GABBR2: variants seen among roughly 807,000 people sequenced by gnomAD.
The protein encoded by GABBR2 is gamma-aminobutyric acid type B receptor subunit 2.
A neutral mutation model predicts 105.6 loss-of-function variants in GABBR2; 23 were observed. The observed-to-expected ratio is 0.22, with a 90% confidence interval of 0.16 to 0.31. The LOEUF (loss-of-function observed/expected upper bound fraction) is 0.31, where lower values mean the gene tolerates loss of function less well. GABBR2 is among the 10% of genes least tolerant of loss of function. GABBR2 has a pLI of 1.00. For synonymous variants in GABBR2, 478 were observed against 499.7 expected (o/e 0.96, Z 0.58); for missense variants, 734 against 1,245.5 (o/e 0.59, Z 6.18).
At chr9:98,394,079 G>C (rs1481234883) in intron 9 of GABBR2, 96 bp downstream of exon 9, 2 of 851,388 alleles carry the variant, frequency 2.3e-6, no homozygotes, top group Non-Finnish European at 2.0e-6. Flanking sequence ...ACCCCCTGAA[G>C]CCAAGGATGC....
chr9:98,620,247 TTCTCTC>T (rs112127893), intron 1 of GABBR2, among the ~76,000 whole-genome samples: 3 of 146,618 alleles, frequency 2.0e-5, no homozygotes, highest in Non-Finnish European at 4.5e-5. Flanking sequence ...TTTTCTCTCT[TTCTCTC>T]TCTCTCTCTC....
At chr9:98,301,625 A>C (rs543952433) in intron 16 of GABBR2, among the ~76,000 whole-genome samples, 32 of 152,376 alleles carry the variant, frequency 2.1e-4, no homozygotes, top group Non-Finnish European at 3.7e-4. Flanking sequence ...GGTGGGGACA[A>C]CAGGAGGCCA....
intron 1 of GABBR2, among the ~76,000 whole-genome samples, chr9:98,657,436 C>T (rs1038438404): frequency 2.6e-5 from 4 of 152,210 alleles, no homozygotes; most frequent in Non-Finnish European, 4.4e-5. Flanking sequence ...ATTTCCCTTA[C>T]GCCTGTTCTC....
intron 13 of GABBR2, among the ~76,000 whole-genome samples, chr9:98,336,621 C>T (rs1480886842): frequency 2.6e-5 from 4 of 152,026 alleles, no homozygotes; most frequent in Non-Finnish European, 5.9e-5. Context: ...AGGAGAATCG[C>T]TTGAACCCAG....
intron 13 of GABBR2, among the ~76,000 whole-genome samples, chr9:98,324,525 C>T (rs1830885420): frequency 9.3e-6 from 1 of 107,954 alleles, no homozygotes. Context: ...CACACACACA[C>T]ACACACACAC....
At chr9:98,590,335 A>T (rs938868090) in intron 1 of GABBR2, among the ~76,000 whole-genome samples, 1 of 152,146 alleles carries the variant, frequency 6.6e-6, no homozygotes, top group Non-Finnish European at 1.5e-5. Flanking sequence ...GCATTTCTGT[A>T]TTCTCCCTGA....
intron 1 of GABBR2, among the ~76,000 whole-genome samples, chr9:98,692,534 C>T (rs1353880532): frequency 6.6e-6 from 1 of 152,246 alleles, no homozygotes; most frequent in Non-Finnish European, 1.5e-5. Context: ...TCGGGAACAG[C>T]CATGATAGGT....
At chr9:98,445,232 G>C (rs1008658396) in intron 7 of GABBR2, among the ~76,000 whole-genome samples, 5 of 152,216 alleles carry the variant, frequency 3.3e-5, no homozygotes, top group Non-Finnish European at 7.3e-5. Context: ...AAATCTGGGA[G>C]ATAGTAATTC....
chr9:98,530,453 C>T (rs1828044072), intron 3 of GABBR2, among the ~76,000 whole-genome samples: 1 of 152,266 alleles, frequency 6.6e-6, no homozygotes, highest in Non-Finnish European at 1.5e-5. Flanking sequence ...CCTGGCATTA[C>T]TTAATTCTCC....
chr9:98,415,375 T>A (rs1231854518), intron 7 of GABBR2, among the ~76,000 whole-genome samples: 1 of 152,204 alleles, frequency 6.6e-6, no homozygotes. Flanking sequence ...TAGATTAATT[T>A]TTTTACTATT....
intron 13 of GABBR2, among the ~76,000 whole-genome samples, chr9:98,346,474 G>T (rs1831305621): frequency 6.6e-6 from 1 of 152,026 alleles, no homozygotes; most frequent in South Asian, 2.1e-4. Flanking sequence ...ACATATTTAT[G>T]GGATACAGAC....
At chr9:98,488,755 C>G (rs931139713) in intron 4 of GABBR2, among the ~76,000 whole-genome samples, 11 of 139,772 alleles carry the variant, frequency 7.9e-5, no homozygotes, top group African/African-American at 3.0e-4. Flanking sequence ...TATGAGTAAC[C>G]TTGGAATGTT....
chr9:98,494,212 G>A (rs1236281121), intron 4 of GABBR2, among the ~76,000 whole-genome samples: 1 of 152,192 alleles, frequency 6.6e-6, no homozygotes, highest in Non-Finnish European at 1.5e-5. Flanking sequence ...CACCTAGTTT[G>A]TGATACTTTG....
intron 1 of GABBR2, among the ~76,000 whole-genome samples, chr9:98,649,939 A>G (rs1830082465): frequency 6.6e-6 from 1 of 152,210 alleles, no homozygotes; most frequent in Admixed American, 6.5e-5. Context: ...AAGCATGTAC[A>G]GCTATGTTAA....
intron 9 of GABBR2, among the ~76,000 whole-genome samples, chr9:98,393,665 C>A (rs1398684923): frequency 6.6e-6 from 1 of 152,172 alleles, no homozygotes. Context: ...GTGACAGTGG[C>A]CATAAGAGAG....
intron 1 of GABBR2, among the ~76,000 whole-genome samples, chr9:98,587,051 T>C (rs1829088115): frequency 6.6e-6 from 1 of 152,250 alleles, no homozygotes; most frequent in African/African-American, 2.4e-5. Flanking sequence ...AGCAGTGTTT[T>C]AGAGATCTCA....
chr9:98,590,185 C>T (rs1829127700), intron 1 of GABBR2, among the ~76,000 whole-genome samples: 1 of 152,222 alleles, frequency 6.6e-6, no homozygotes, highest in African/African-American at 2.4e-5. Flanking sequence ...TAGTCATATC[C>T]ATAGCTCTGT....
Position 98,460,377 on chromosome 9 carries a change from A to T in GABBR2, c.1000-6160T>A, listed in dbSNP as rs142886675. 8.5e-5 allele frequency among the ~76,000 whole-genome samples: 13 copies of T among 152,332 alleles called. No individual in the cohort carries two copies. The East Asian group carries it at 2.5e-3, about 29-fold the overall frequency. On this transcript the variant is annotated intron_variant, in intron 6 of 18. Transcript: ENST00000259455. ...GGTGACAGAGCAAGACTCTATCTCT[A>T]AAATAAAATAAAATAAAATAGCAAG... is the stretch of plus-strand genomic sequence containing the variant.
chr9:98,669,942 C>T (rs1212919193), intron 1 of GABBR2, among the ~76,000 whole-genome samples: 4 of 150,738 alleles, frequency 2.7e-5, no homozygotes, highest in African/African-American at 9.8e-5. Flanking sequence ...ACCAAGAGAA[C>T]GCAACCAGGA....
Sources: allele counts gnomAD v4.1 joint callset (sites outside exome capture counted in the v4.1 genomes callset), GRCh38; gene constraint gnomAD v4.1.1; transcripts MANE v1.5; gene names NCBI Gene and HGNC (gene_info 2026-07-23, HGNC 2026-07-21).